CDK19: variants seen among roughly 807,000 people sequenced by gnomAD.
CDK19 encodes the protein cyclin-dependent kinase 19.
CDK19 carries 20 observed loss-of-function variants against 68.3 expected under a neutral mutation model. The ratio of observed to expected loss-of-function variants is 0.29; its 90% CI spans 0.21 to 0.43. The LOEUF is 0.43. Ranked by LOEUF, CDK19 falls within the 20% of genes least tolerant of loss-of-function variation. The pLI, the probability that CDK19 is intolerant of heterozygous loss-of-function variation, is 1.00. For synonymous variants in CDK19, 221 were observed against 222.8 expected, an observed-to-expected ratio of 0.99 and a Z score of 0.07; for missense variants, 339 against 623.5, an observed-to-expected ratio of 0.54 and a Z score of 4.86.
chr6:110,657,894 A>G (rs1781400468), intron 4 of CDK19, among the ~76,000 whole-genome samples: 1 of 152,184 alleles, frequency 6.6e-6, no homozygotes, highest in Admixed American at 6.5e-5. Flanking sequence ...GTACCCTCTC[A>G]CTATGGAATA....
At chr6:110,743,736 A>G (rs116353667) in intron 2 of CDK19, among the ~76,000 whole-genome samples, 1 of 152,134 alleles carries the variant, frequency 6.6e-6, no homozygotes, top group South Asian at 2.1e-4. Context: ...ATGCCCATGG[A>G]TTCCCTGGCA....
chr6:110,740,999 A>G (rs1027036806), intron 2 of CDK19, among the ~76,000 whole-genome samples: 2 of 152,196 alleles, frequency 1.3e-5, no homozygotes, highest in Non-Finnish European at 2.9e-5. Context: ...ACTTAAAGAC[A>G]GACAATTAAG....
rs187814956 is a variant in CDK19 at position 110,692,890 on chromosome 6, G to C, written c.205-22349C>G. On this transcript the variant is annotated intron_variant, in intron 2 of 12. Transcript: ENST00000368911. ...TGGGCACCTGTAATCCCAGCTACTT[G>C]GGAGGCTGAGGCAGGAGAATCACTT... is the stretch of plus-strand genomic sequence containing the variant. Among the ~76,000 whole-genome samples the C allele has an allele frequency of 1.1e-4, 17 of 152,262 alleles. No homozygotes were observed. In the East Asian group the frequency reaches 3.3e-3, roughly 29 times the overall value.
At chr6:110,704,172 C>A (rs1052650849) in intron 2 of CDK19, among the ~76,000 whole-genome samples, 1 of 152,030 alleles carries the variant, frequency 6.6e-6, no homozygotes, top group South Asian at 2.1e-4. Context: ...ACAGATAACT[C>A]CAAAATGACT....
rs200240945 is a variant in CDK19 at position 110,623,375 on chromosome 6, G to A, written c.861-13C>T. 13 of 1,611,726 alleles carry A rather than the reference G, an allele frequency of 8.1e-6. 1 individual carries two copies. The highest frequency in any genetic ancestry group is 4.5e-5 in the East Asian group (2 of 44,802). On this transcript the variant is annotated splice_polypyrimidine_tract_variant and intron_variant, in intron 8 of 12. Transcript: ENST00000368911. Reference sequence around the variant, plus strand: ...ACTGTTGGCATACCTGCAAGGACACGCACAGTCACACATCACTGGGAACAC... The same window carrying A: ...ACTGTTGGCATACCTGCAAGGACACACACAGTCACACATCACTGGGAACAC...
chr6:110,727,751 C>T (rs1461178589), intron 2 of CDK19, among the ~76,000 whole-genome samples: 1 of 151,756 alleles, frequency 6.6e-6, no homozygotes, highest in Non-Finnish European at 1.5e-5. Context: ...GGCAGGCAGA[C>T]TGCTTGAGCC....
intron 1 of CDK19, among the ~76,000 whole-genome samples, chr6:110,809,327 C>A (rs543710570): frequency 1.3e-5 from 2 of 152,158 alleles, no homozygotes; most frequent in Admixed American, 6.5e-5. Context: ...CCAGCCTGGG[C>A]AACACAGTGA....
In CDK19 at chr6:110,614,610, C is replaced by T. The variant is rs1778193375; in HGVS notation, c.1434G>A (p.Gln478=). 1 of 1,614,010 alleles carries T rather than the reference C, an allele frequency of 6.2e-7. No individual in the cohort carries two copies. The highest frequency in any genetic ancestry group is 1.7e-5 in the Admixed American group (1 of 60,016). ...ACGAGGAAGAGTAGCCAAGTGTGCT[C>T]TGGGACTGAGAGGATCCCTGAACGC... ...QSSVQGSSQS[Q]STLGYSSSSQ... is the part of the protein sequence containing the mutation. Residue 478 remains glutamine (Q), a synonymous_variant, in exon 13 of 13, where the codon CAG becomes CAA. Coordinates refer to ENST00000368911, the MANE Select transcript of CDK19 (RefSeq NM_015076.5).
At chr6:110,792,989 TAC>T (rs1781703710) in intron 1 of CDK19, among the ~76,000 whole-genome samples, 1 of 152,178 alleles carries the variant, frequency 6.6e-6, no homozygotes, top group Non-Finnish European at 1.5e-5. Context: ...GAAACTGAGA[TAC>T]AGAGAGATTA....
At chr6:110,756,403 AC>A (rs1451008911) in intron 1 of CDK19, among the ~76,000 whole-genome samples, 1 of 151,366 alleles carries the variant, frequency 6.6e-6, no homozygotes, top group Non-Finnish European at 1.5e-5. Context: ...AAAAAAAAAA[AC>A]GTACAAAAAT....
At chr6:110,812,525 C>A (rs1470066465) in intron 1 of CDK19, among the ~76,000 whole-genome samples, 1 of 152,142 alleles carries the variant, frequency 6.6e-6, no homozygotes, top group East Asian at 1.9e-4. Context: ...AGTCATACTT[C>A]AAGGGAAATA....
At chr6:110,677,351 CAGG>C (rs1445019280) in intron 2 of CDK19, among the ~76,000 whole-genome samples, 2 of 151,862 alleles carry the variant, frequency 1.3e-5, no homozygotes, top group Non-Finnish European at 2.9e-5. Flanking sequence ...ATCACGAGGT[CAGG>C]AGATCGAGAC....
intron 2 of CDK19, among the ~76,000 whole-genome samples, chr6:110,717,009 G>A (rs1480615832): frequency 6.6e-6 from 1 of 152,180 alleles, no homozygotes; most frequent in Non-Finnish European, 1.5e-5. Flanking sequence ...GCATGTGCCT[G>A]TAGTCCCAGC....
chr6:110,675,062 A>G (rs1771375347), intron 2 of CDK19, among the ~76,000 whole-genome samples: 1 of 152,198 alleles, frequency 6.6e-6, no homozygotes, highest in African/African-American at 2.4e-5. Flanking sequence ...ATAACATAAA[A>G]GTGCAAGGTG....
chr6:110,783,230 G>A (rs1349079281), intron 1 of CDK19, among the ~76,000 whole-genome samples: 1 of 152,194 alleles, frequency 6.6e-6, no homozygotes, highest in Non-Finnish European at 1.5e-5. Flanking sequence ...CAAATATAGG[G>A]CAAGGACCAT....
intron 8 of CDK19, 149 bp from the exon 9 acceptor site, chr6:110,623,511 G>A: frequency 1.9e-6 from 2 of 1,061,968 alleles, no homozygotes; most frequent in Non-Finnish European, 1.3e-6. Context: ...CCAAATATTA[G>A]CAAATGTGTG....
chr6:110,746,069 A>G, intron 2 of CDK19, 57 bp downstream of exon 2: 1 of 854,698 alleles, frequency 1.2e-6, no homozygotes, highest in Non-Finnish European at 1.8e-6. Flanking sequence ...TTATATTAAA[A>G]TAAATCATCA....
intron 1 of CDK19, among the ~76,000 whole-genome samples, chr6:110,799,944 A>T (rs1782233332): frequency 6.6e-6 from 1 of 152,172 alleles, no homozygotes; most frequent in Non-Finnish European, 1.5e-5. Flanking sequence ...CTGTGGATGC[A>T]GAACCCATAG....
At chr6:110,688,295 C>T (rs1471555621) in intron 2 of CDK19, among the ~76,000 whole-genome samples, 1 of 151,838 alleles carries the variant, frequency 6.6e-6, no homozygotes, top group Non-Finnish European at 1.5e-5. Context: ...GTACTCCAGC[C>T]TGGGCAACAG....
Sources: gnomAD v4.1 joint callset for allele counts (sites outside exome capture counted in the v4.1 genomes callset) on GRCh38, gnomAD v4.1.1 for gene constraint, MANE v1.5 for transcripts, NCBI Gene and HGNC (gene_info 2026-07-23, HGNC 2026-07-21) for gene names.